Variants in MILR1 observed in about 807,000 individuals in gnomAD.
MILR1 encodes the protein allergin-1.
A neutral mutation model predicts 18.5 loss-of-function variants in MILR1; 31 were observed. The observed-to-expected ratio is 1.68, with a 90% confidence interval of 1.26 to 2.26. The LOEUF (loss-of-function observed/expected upper bound fraction) is 2.26, where lower values mean the gene tolerates loss of function less well. Among genes scored for constraint, MILR1 ranks in the 30% most tolerant of loss-of-function variants. The probability of loss-of-function intolerance (pLI) is 0.00; values close to 1 mark genes in which losing one functional copy is unlikely to be tolerated. For missense variants in MILR1, 257 were observed against 157.4 expected (o/e 1.63, Z -3.38); for synonymous variants, 85 against 56.2 (o/e 1.51, Z -2.30).
the MILR1 span, chr17:64,497,021 A>C: frequency 4.6e-6 from 7 of 1,512,364 alleles, no homozygotes; most frequent in Non-Finnish European, 5.5e-6. Flanking sequence ...GATCCCAACA[A>C]GCCACCACTA....
chr17:64,484,418 G>A, the MILR1 span, among the ~76,000 whole-genome samples: 2 of 152,224 alleles, frequency 1.3e-5, no homozygotes, highest in Non-Finnish European at 2.9e-5. Flanking sequence ...TGCTGCTGGA[G>A]CAGACTGAGT....
intron 5 of MILR1, among the ~76,000 whole-genome samples, chr17:64,464,116 ATTTTTTT>A (rs1182677616): frequency 6.9e-5 from 7 of 100,858 alleles, no homozygotes; most frequent in East Asian, 2.7e-4. Context: ...CGCGCCTGAC[ATTTTTTT>A]TTTTTTTTTT....
chr17:64,486,020 G>A, the MILR1 span: 1 of 706,172 alleles, frequency 1.4e-6, no homozygotes, highest in Non-Finnish European at 2.5e-6. Flanking sequence ...AGGTTCAAGT[G>A]ATTCTCCTGC....
the MILR1 span, among the ~76,000 whole-genome samples, chr17:64,474,364 C>G: frequency 1.3e-5 from 2 of 151,748 alleles, no homozygotes; most frequent in Non-Finnish European, 2.9e-5. Context: ...CGTGAGCCAC[C>G]GTGCCCGGCC....
intron 3 of MILR1, among the ~76,000 whole-genome samples, chr17:64,456,674 G>T (rs2037308037): frequency 6.6e-6 from 1 of 152,006 alleles, no homozygotes; most frequent in Non-Finnish European, 1.5e-5. Context: ...AGCCAGCAGT[G>T]TGCACCTGTA....
chr17:64,485,592 A>C, the MILR1 span: 1 of 752,584 alleles, frequency 1.3e-6, no homozygotes, highest in South Asian at 1.6e-5. Context: ...ATTCTAAAAA[A>C]ACTGAAAAAT....
the MILR1 span, chr17:64,487,383 G>GA: frequency 2.0e-5 from 3 of 152,308 alleles, no homozygotes; most frequent in Middle Eastern, 6.8e-3. Flanking sequence ...GGAGGCCATG[G>GA]TGGACGAATC....
At chr17:64,487,429 C>A in the MILR1 span, 14 of 152,216 alleles carry the variant, frequency 9.2e-5, no homozygotes, top group East Asian at 2.7e-3. Flanking sequence ...GCCTGGCCAA[C>A]ATGGTAAAAC....
the MILR1 span, chr17:64,496,898 C>T: frequency 4.3e-6 from 7 of 1,613,152 alleles, no homozygotes; most frequent in Non-Finnish European, 5.9e-6. Context: ...CGCATCTACT[C>T]GACCCCCAAA....
chr17:64,485,684 A>C, the MILR1 span: 1 of 1,506,566 alleles, frequency 6.6e-7, no homozygotes, highest in Admixed American at 1.7e-5. Flanking sequence ...AAACAAACCC[A>C]TATTTTTAGT....
the MILR1 span, chr17:64,491,687 G>A: frequency 2.6e-6 from 3 of 1,155,432 alleles, no homozygotes; most frequent in African/African-American, 4.6e-5. Flanking sequence ...TGAAGAAGGG[G>A]AGCATCTCGG....
At chr17:64,477,626 C>T in the MILR1 span, among the ~76,000 whole-genome samples, 1 of 152,128 alleles carries the variant, frequency 6.6e-6, no homozygotes, top group Admixed American at 6.6e-5. Context: ...TTTGCTTAAT[C>T]CAGTATAGTA....
chr17:64,473,364 A>G (rs988373298), downstream of MILR1, among the ~76,000 whole-genome samples: 4 of 146,590 alleles, frequency 2.7e-5, no homozygotes, highest in Admixed American at 1.3e-4. Flanking sequence ...AAAAAAAAAA[A>G]AAGAAGAAGT....
chr17:64,461,027 G>C, intron 5 of MILR1, 95 bp downstream of exon 5: 1 of 443,606 alleles, frequency 2.3e-6, no homozygotes. Flanking sequence ...AAGGGGATTG[G>C]AAATAGAATA....
chr17:64,492,894 C>A, the MILR1 span: 1 of 1,614,012 alleles, frequency 6.2e-7, no homozygotes, highest in African/African-American at 1.3e-5. Flanking sequence ...ACTTTTTATA[C>A]CTTTTAACAC....
the MILR1 span, chr17:64,487,178 T>A: frequency 3.3e-5 from 5 of 152,254 alleles, no homozygotes; most frequent in African/African-American, 9.6e-5. Flanking sequence ...ATATATGTAC[T>A]GACATTTTAA....
the MILR1 span, among the ~76,000 whole-genome samples, chr17:64,489,849 C>A: frequency 6.6e-6 from 1 of 151,992 alleles, no homozygotes; most frequent in Non-Finnish European, 1.5e-5. Flanking sequence ...ACCAGTAAGG[C>A]AAAATTTGGT....
At chr17:64,468,719 C>A, downstream of MILR1, 1 of 716,398 alleles carries the variant, frequency 1.4e-6, no homozygotes, top group Non-Finnish European at 1.7e-6. Context: ...TTCCACTGGT[C>A]AGCACTGTCC....
At chr17:64,480,056 T>C in the MILR1 span, among the ~76,000 whole-genome samples, 1 of 152,234 alleles carries the variant, frequency 6.6e-6, no homozygotes, top group African/African-American at 2.4e-5. Context: ...TATACATACT[T>C]CATGACATTA....
Sources: gnomAD v4.1 joint callset for allele counts (sites outside exome capture counted in the v4.1 genomes callset) on GRCh38, gnomAD v4.1.1 for gene constraint, MANE v1.5 for transcripts, NCBI Gene and HGNC (gene_info 2026-07-23, HGNC 2026-07-21) for gene names.